The following AKR1D1 variants were observed in gnomAD, a reference collection of about 807,000 sequenced individuals.
AKR1D1 encodes the protein delta(4)-3-ketosteroid 5-beta-reductase.
A neutral mutation model predicts 42.6 loss-of-function variants in AKR1D1; 32 were observed. That is an observed-to-expected ratio of 0.75 (90% CI 0.57 to 1.01). The LOEUF is 1.01. Ranked by LOEUF, AKR1D1 falls within the 50% of genes least tolerant of loss-of-function variation. AKR1D1 has a pLI of 0.00. For synonymous variants in AKR1D1, 123 were observed against 135.5 expected, an observed-to-expected ratio of 0.91 and a Z score of 0.64; for missense variants, 364 against 402.2, an observed-to-expected ratio of 0.91 and a Z score of 0.81.
At chr7:138,088,491 A>C in intron 1 of AKR1D1, 110 bp from the exon 2 acceptor site, 1 of 1,268,132 alleles carries the variant, frequency 7.9e-7, no homozygotes. Context: ...GGAATTGGGA[A>C]TGTGTCATTT....
At position 138,088,456 on chromosome 7, in the gene AKR1D1, C is replaced by T. The variant is rs917575898; in HGVS notation, c.94-145C>T. 6 of 989,322 alleles carry T rather than the reference C, an allele frequency of 6.1e-6. No homozygotes were observed. The Admixed American group carries it at 8.0e-5, about 13-fold the overall frequency. The allele number at this position is 989,322 out of a possible 1,614,324, so 61.3% of individuals were successfully genotyped here. On this transcript the variant is annotated intron_variant, in intron 1 of 8. Transcript: ENST00000242375. ...GAGGTCAGTTTCTCCTGCTGCTGAA[C>T]ACCATCTTCCAATCACAACAGCAAG... is the stretch of plus-strand genomic sequence containing the variant.
At chr7:138,109,686 AT>A (rs1794500930) in intron 7 of AKR1D1, among the ~76,000 whole-genome samples, 1 of 152,168 alleles carries the variant, frequency 6.6e-6, no homozygotes, top group African/African-American at 2.4e-5. Context: ...TGACAATAAC[AT>A]TTGCCAAAAT....
At chr7:138,102,790 A>G (rs954288454) in intron 4 of AKR1D1, among the ~76,000 whole-genome samples, 53 of 152,356 alleles carry the variant, frequency 3.5e-4, no homozygotes, top group African/African-American at 1.2e-3. Context: ...CAACTGGCCC[A>G]TACCAGCTTG....
chr7:138,096,560 G>T, intron 3 of AKR1D1, among the ~76,000 whole-genome samples: 1 of 152,250 alleles, frequency 6.6e-6, no homozygotes, highest in East Asian at 1.9e-4. Flanking sequence ...AATTAGGGGG[G>T]ACACATTTAA....
chr7:138,091,623 A>T, intron 2 of AKR1D1, 145 bp from the exon 3 acceptor site: 2 of 663,132 alleles, frequency 3.0e-6, no homozygotes, highest in South Asian at 1.7e-5. Context: ...TGAGCCCAGG[A>T]GTTAAAGACC....
intron 5 of AKR1D1, 43 bp from the exon 6 acceptor site, chr7:138,106,565 G>A (rs375493994): frequency 8.2e-6 from 12 of 1,467,352 alleles, no homozygotes; most frequent in African/African-American, 2.8e-5. Flanking sequence ...ATTCAACAAC[G>A]TGGCCTTGAT....
At chr7:138,101,189 C>CT (rs1467604458) in intron 4 of AKR1D1, among the ~76,000 whole-genome samples, 5,385 of 25,862 alleles carry the variant, frequency 0.21, 276 homozygotes, top group South Asian at 0.38. Context: ...CCCTCCCTCC[C>CT]TCCCTTCCTT....
intron 7 of AKR1D1, among the ~76,000 whole-genome samples, chr7:138,107,926 C>T (rs962306790): frequency 6.6e-6 from 1 of 152,084 alleles, no homozygotes; most frequent in South Asian, 2.1e-4. Flanking sequence ...TCAAGCGATC[C>T]TTCCACCTTG....
rs10279757 is a variant in AKR1D1 at position 138,087,893 on chromosome 7, C to T, written c.94-708C>T. 9.6e-3 allele frequency among the ~76,000 whole-genome samples: 1,315 copies of T among 137,678 alleles called. 24 individuals carry two copies. Among genetic ancestry groups the T allele is most frequent in the African/African-American group, 0.034 (1,214 of 35,772 alleles). The allele number at this position is 137,678 out of a possible 152,430, so 90.3% of individuals were successfully genotyped here. Reference sequence around the variant, plus strand: ...TTGTCATCAATGCTACATTTCTTTTCTTTTTTTTTTTTTTTGAGACAGGGT... The same window carrying T: ...TTGTCATCAATGCTACATTTCTTTTTTTTTTTTTTTTTTTTGAGACAGGGT... On this transcript the variant is annotated intron_variant, in intron 1 of 8. Coordinates refer to ENST00000242375, the MANE Select transcript of AKR1D1 (RefSeq NM_005989.4).
Position 138,109,735 on chromosome 7 carries a change from A to G in AKR1D1, c.855+2155A>G, listed in dbSNP as rs147653909. Among the ~76,000 whole-genome samples the G allele has an allele frequency of 1.2e-3, 181 of 152,332 alleles. 1 individual carries two copies. The highest frequency in any genetic ancestry group is 4.2e-3 in the African/African-American group (175 of 41,580). ...AAAGTGGTTGACACTCTTTTCCACA[A>G]TCTTAGAAAGAGATCAACTGCATTA... On this transcript the variant is annotated intron_variant, in intron 7 of 8. Transcript: ENST00000242375.
intron 4 of AKR1D1, among the ~76,000 whole-genome samples, chr7:138,103,955 C>T (rs1022362599): frequency 6.6e-6 from 1 of 152,040 alleles, no homozygotes; most frequent in African/African-American, 2.4e-5. Flanking sequence ...CATAATGAGA[C>T]CCCCCTCATC....
intron 1 of AKR1D1, among the ~76,000 whole-genome samples, chr7:138,077,541 T>C (rs1802967153): frequency 6.6e-6 from 1 of 152,118 alleles, no homozygotes; most frequent in African/African-American, 2.4e-5. Flanking sequence ...CATATCAGCA[T>C]AGAAATGGAA....
At chr7:138,112,810 T>A (rs1214261519) in intron 7 of AKR1D1, among the ~76,000 whole-genome samples, 2 of 150,506 alleles carry the variant, frequency 1.3e-5, no homozygotes, top group Non-Finnish European at 3.0e-5. Context: ...AATCCAAATG[T>A]TAAAAATAAA....
At chr7:138,102,887 A>G (rs1332809315) in intron 4 of AKR1D1, among the ~76,000 whole-genome samples, 1 of 151,970 alleles carries the variant, frequency 6.6e-6, no homozygotes, top group Non-Finnish European at 1.5e-5. Flanking sequence ...GAATAGTTAC[A>G]TCACAGACAT....
At chr7:138,081,623 G>A (rs371428876) in intron 1 of AKR1D1, among the ~76,000 whole-genome samples, 4 of 135,188 alleles carry the variant, frequency 3.0e-5, no homozygotes, top group East Asian at 2.3e-4. Context: ...TCCACCTCCC[G>A]GGTTCACCAA....
intron 2 of AKR1D1, 84 bp from the exon 3 acceptor site, chr7:138,091,684 C>A: frequency 9.3e-7 from 1 of 1,071,008 alleles, no homozygotes. Flanking sequence ...AAAATGTGTA[C>A]GAGTGTTTTA....
At position 138,106,530 on chromosome 7, in the gene AKR1D1, G is replaced by T. The variant is rs570517685; in HGVS notation, c.580-78G>T. The T allele has an allele frequency of 2.2e-5, 24 of 1,097,000 alleles. No individual in the cohort carries two copies. The East Asian group carries it at 5.0e-4, about 23-fold the overall frequency. The allele number at this position is 1,097,000 out of a possible 1,614,324, so 68.0% of individuals were successfully genotyped here. A position where few individuals can be genotyped will look rare whatever the true frequency, so the allele number is the denominator to read the frequency against. On this transcript the variant is annotated intron_variant, in intron 5 of 8. Transcript: ENST00000242375. ...TATTAATAAAATGGATTTTATTGAA[G>T]AATTTTTTTTAACAGTACAATTGCA...
intron 1 of AKR1D1, among the ~76,000 whole-genome samples, chr7:138,084,150 T>C (rs988631193): frequency 3.3e-5 from 5 of 151,964 alleles, no homozygotes; most frequent in African/African-American, 1.2e-4. Context: ...CTCCTACACC[T>C]CTCATTTCTG....
At chr7:138,113,315 CAAA>C (rs34789634) in intron 7 of AKR1D1, among the ~76,000 whole-genome samples, 1 of 115,698 alleles carries the variant, frequency 8.6e-6, no homozygotes, top group Non-Finnish European at 1.8e-5. Flanking sequence ...GACCCTGTCT[CAAA>C]AAAAAAAAAA....
Sources: gnomAD v4.1 joint callset for allele counts (sites outside exome capture counted in the v4.1 genomes callset) on GRCh38, gnomAD v4.1.1 for gene constraint, MANE v1.5 for transcripts, NCBI Gene and HGNC (gene_info 2026-07-23, HGNC 2026-07-21) for gene names.